The following CRB1 variants were observed in gnomAD, a reference collection of about 807,000 sequenced individuals.
The protein encoded by CRB1 is crumbs cell polarity complex component 1.
A neutral mutation model predicts 120.0 loss-of-function variants in CRB1; 83 were observed. That is an observed-to-expected ratio of 0.69 (90% confidence interval 0.58 to 0.83). CRB1 has a LOEUF of 0.83. Among genes scored for constraint, CRB1 ranks in the 40% least tolerant of loss-of-function variants. The probability of loss-of-function intolerance (pLI) is 0.00; values close to 1 mark genes in which losing one functional copy is unlikely to be tolerated. For missense variants in CRB1, 1,699 were observed against 1,687.6 expected (o/e 1.01, Z -0.12); for synonymous variants, 625 against 612.5 (o/e 1.02, Z -0.30).
intron 5 of CRB1, among the ~76,000 whole-genome samples, chr1:197,417,309 G>C (rs1338672520): frequency 6.6e-6 from 1 of 152,210 alleles, no homozygotes; most frequent in Non-Finnish European, 1.5e-5. Flanking sequence ...TGTCAGGAAA[G>C]AGAGAGAAAG....
chr1:197,427,300 A>G lies in CRB1; in HGVS notation c.2129-154A>G, dbSNP rs997370320. Among the ~76,000 whole-genome samples the G allele has an allele frequency of 2.6e-5, 4 of 152,022 alleles. No individual in the cohort carries two copies. The East Asian group carries it at 5.8e-4, about 22-fold the overall frequency. On this transcript the variant is annotated intron_variant, in intron 6 of 11. Transcript: ENST00000367400. ...GCCAAATCATTATTCTATTTAATAA[A>G]CCTGTCCTGAACTTTAAAAGCTATG...
upstream of CRB1, among the ~76,000 whole-genome samples, chr1:197,266,528 T>C (rs562939064): frequency 2.6e-5 from 4 of 152,294 alleles, no homozygotes; most frequent in South Asian, 2.1e-4. Flanking sequence ...CCCATACTTA[T>C]GCTTGAAAAT....
intron 5 of CRB1, among the ~76,000 whole-genome samples, chr1:197,409,793 CT>C (rs200830339): frequency 2.6e-5 from 4 of 151,334 alleles, no homozygotes; most frequent in Admixed American, 1.3e-4. Flanking sequence ...AGTTCTTTCT[CT>C]TTTTTTTTGA....
the CRB1 span, among the ~76,000 whole-genome samples, chr1:197,228,045 A>G: frequency 1.3e-5 from 2 of 152,176 alleles, no homozygotes; most frequent in African/African-American, 2.4e-5. Flanking sequence ...CCTAGGCTTC[A>G]CACAGCACAA....
At chr1:197,388,085 C>T (rs1277969918) in intron 5 of CRB1, among the ~76,000 whole-genome samples, 1 of 151,782 alleles carries the variant, frequency 6.6e-6, no homozygotes, top group African/African-American at 2.4e-5. Flanking sequence ...CATAATATTC[C>T]TCCTTATGGA....
chr1:197,328,016 A>C (rs1050942783), intron 1 of CRB1, among the ~76,000 whole-genome samples: 2 of 152,250 alleles, frequency 1.3e-5, no homozygotes, highest in African/African-American at 4.8e-5. Context: ...ACAATTTTGC[A>C]GCCTATATAA....
chr1:197,354,453 C>T (rs1187677584), intron 4 of CRB1, among the ~76,000 whole-genome samples: 1 of 152,128 alleles, frequency 6.6e-6, no homozygotes, highest in African/African-American at 2.4e-5. Flanking sequence ...TCTGTTCTTT[C>T]TGATGTTCGG....
At chr1:197,275,157 G>A (rs1655130906) in intron 1 of CRB1, among the ~76,000 whole-genome samples, 1 of 151,848 alleles carries the variant, frequency 6.6e-6, no homozygotes, top group Non-Finnish European at 1.5e-5. Flanking sequence ...TTCTTATAAG[G>A]ACGTCAGTCA....
In CRB1 at chr1:197,386,933, C is replaced by T. The variant is rs190727213; in HGVS notation, c.1171+29920C>T. Among the ~76,000 whole-genome samples, 4 of 152,170 alleles carry T rather than the reference C, an allele frequency of 2.6e-5. No individual in the cohort carries two copies. In the East Asian group the frequency reaches 7.7e-4, roughly 29 times the overall value. On this transcript the variant is annotated intron_variant, in intron 5 of 11. Transcript: ENST00000367400. The stretch of plus-strand genomic sequence containing the variant: ...AGTAATAGCTATGTTTTTCTATAGC[C>T]ATGAGTATTGGCTACGACAATTTCA...
intron 11 of CRB1, among the ~76,000 whole-genome samples, chr1:197,468,165 C>A (rs975556462): frequency 6.6e-6 from 1 of 152,092 alleles, no homozygotes; most frequent in African/African-American, 2.4e-5. Context: ...TACTTCTTTA[C>A]CTCATTCTCC....
rs77713666 is a variant in CRB1, at chr1:197,328,951, A to G, written c.600A>G (p.Thr200=). Residue 200 remains threonine (T), a synonymous_variant, in exon 2 of 12, where the codon ACA becomes ACG. Coordinates refer to ENST00000367400, the MANE Select transcript of CRB1 (RefSeq NM_201253.3). Reference sequence around the variant, plus strand: ...CAGATCCCTGCAAGAACGAGGCTACATGCCTCAATGAAATAGGAAGATATA... The same window carrying G: ...CAGATCCCTGCAAGAACGAGGCTACGTGCCTCAATGAAATAGGAAGATATA... ...CASDPCKNEA[T]CLNEIGRYTC... 5.9e-4 allele frequency: 950 copies of G among 1,614,176 alleles called. 2 individuals carry two copies. The African/African-American group carries it at 8.2e-3, about 14-fold the overall frequency.
Position 197,438,560 on chromosome 1 carries a change from C to A in CRB1, c.3763C>A (p.Pro1255Thr), listed in dbSNP as rs757003465. Residue 1255 changes from proline to threonine, a missense_variant, in exon 10 of 12, where the codon CCC becomes ACC. By Grantham distance (38) the Pro-to-Thr change is conservative. Transcript: ENST00000367400. ...TGKFCRQSRL[P>T]STVCGNEKTN... is the part of the protein sequence containing the mutation. ...TTATCTCTCTAGACAGAGCAGATTA[C>A]CCTCAACAGTCTGTGGGAATGAGAA... 6.2e-7 allele frequency: 1 copy of A among 1,612,420 alleles called. No individual in the cohort carries two copies. The highest frequency in any genetic ancestry group is 8.5e-7 in the Non-Finnish European group (1 of 1,178,764).
chr1:197,451,598 T>A (rs1026253513), intron 11 of CRB1, among the ~76,000 whole-genome samples: 2 of 152,218 alleles, frequency 1.3e-5, no homozygotes, highest in Non-Finnish European at 2.9e-5. Flanking sequence ...AGAGCAAGGA[T>A]GGGCTGGGCC....
chr1:197,334,176 C>T (rs1281149262), intron 2 of CRB1, among the ~76,000 whole-genome samples: 2 of 152,308 alleles, frequency 1.3e-5, no homozygotes, highest in South Asian at 2.1e-4. Flanking sequence ...AGTTTGGGGA[C>T]TACACTTTGA....
chr1:197,462,407 T>C (rs2125549865), intron 11 of CRB1, among the ~76,000 whole-genome samples: 1 of 152,318 alleles, frequency 6.6e-6, no homozygotes, highest in Non-Finnish European at 1.5e-5. Context: ...AAAATGGTTT[T>C]GAAACTTAGT....
At chr1:197,221,195 A>G in the CRB1 span, among the ~76,000 whole-genome samples, 11 of 152,314 alleles carry the variant, frequency 7.2e-5, no homozygotes, top group Admixed American at 2.6e-4. Flanking sequence ...CCAATGAGGA[A>G]TAAAGCCAAC....
chr1:197,422,730 T>C (rs978855273), intron 6 of CRB1: 1 of 152,192 alleles, frequency 6.6e-6, no homozygotes, highest in African/African-American at 2.4e-5. Flanking sequence ...CTTTTTATTA[T>C]TATTATCATA....
At chr1:197,396,628 T>G (rs1662785889) in intron 5 of CRB1, among the ~76,000 whole-genome samples, 1 of 151,972 alleles carries the variant, frequency 6.6e-6, no homozygotes, top group African/African-American at 2.4e-5. Flanking sequence ...AGGATAGAAA[T>G]AAACACAATA....
At chr1:197,367,738 C>T (rs1298742491) in intron 5 of CRB1, among the ~76,000 whole-genome samples, 6 of 152,188 alleles carry the variant, frequency 3.9e-5, no homozygotes, top group Non-Finnish European at 5.9e-5. Flanking sequence ...CAGAGGAACA[C>T]CCTCCCTGGT....
Sources: allele counts gnomAD v4.1 joint callset (sites outside exome capture counted in the v4.1 genomes callset), GRCh38; gene constraint gnomAD v4.1.1; transcripts MANE v1.5; gene names NCBI Gene and HGNC (gene_info 2026-07-23, HGNC 2026-07-21).